The following MICAL1 variants were observed in gnomAD, a reference collection of about 807,000 sequenced individuals.
MICAL1 encodes microtubule associated monooxygenase, calponin and LIM domain containing 1.
MICAL1 carries 95 observed loss-of-function variants against 131.8 expected under a neutral mutation model. That is an observed-to-expected ratio of 0.72 (90% CI 0.61 to 0.86). The LOEUF is 0.86. Ranked by LOEUF, MICAL1 falls within the 40% of genes least tolerant of loss-of-function variation. The pLI is 0.00. For missense variants in MICAL1, 1,292 were observed against 1,380.6 expected (o/e 0.94, Z 1.02); for synonymous variants, 546 against 554.2 (o/e 0.99, Z 0.21).
chr6:109,462,020 C>T (rs1461931469), intron 1 of MICAL1, among the ~76,000 whole-genome samples: 1 of 149,286 alleles, frequency 6.7e-6, no homozygotes, highest in Non-Finnish European at 1.5e-5. Flanking sequence ...CTGCTCCCCT[C>T]CTCACTCAGA....
intron 7 of MICAL1, 140 bp from the exon 8 acceptor site, chr6:109,450,697 G>A (rs1775504541): frequency 8.8e-6 from 8 of 913,168 alleles, no homozygotes; most frequent in Admixed American, 2.9e-5. Context: ...AGCAGTTGAA[G>A]GCTGAGCTGG....
intron 1 of MICAL1, chr6:109,463,534 A>G (rs1303811518): frequency 1.3e-5 from 2 of 152,186 alleles, no homozygotes; most frequent in Admixed American, 6.5e-5. Flanking sequence ...AATTTTAATA[A>G]ATTTAATATA....
chr6:109,448,031 C>T, intron 13 of MICAL1, 68 bp from the exon 14 acceptor site: 4 of 1,498,176 alleles, frequency 2.7e-6, no homozygotes, highest in Non-Finnish European at 3.6e-6. Context: ...AACAGACAGT[C>T]ACTCTCCAAC....
intron 1 of MICAL1, among the ~76,000 whole-genome samples, chr6:109,462,263 C>A (rs1775907601): frequency 6.6e-6 from 1 of 152,184 alleles, no homozygotes; most frequent in Non-Finnish European, 1.5e-5. Flanking sequence ...AAGAAACCAA[C>A]CCCACTGACA....
intron 6 of MICAL1, 141 bp downstream of exon 6, chr6:109,452,105 G>A: frequency 6.9e-7 from 1 of 1,445,516 alleles, no homozygotes; most frequent in Non-Finnish European, 9.1e-7. Context: ...GAGGGGACAG[G>A]TTCCTTCTCC....
intron 12 of MICAL1, 162 bp downstream of exon 12, chr6:109,448,569 TG>T: frequency 7.8e-7 from 1 of 1,288,816 alleles, no homozygotes; most frequent in Non-Finnish European, 1.1e-6. Context: ...CTCCTGGCTT[TG>T]GGGGCCTGTG....
At chr6:109,448,164 C>T in intron 13 of MICAL1, 39 bp downstream of exon 13, 1 of 1,556,790 alleles carries the variant, frequency 6.4e-7, no homozygotes, top group Non-Finnish European at 8.7e-7. Context: ...CACACACCTC[C>T]CCATCCCAGT....
chr6:109,448,721 C>G lies in MICAL1; in HGVS notation c.1664+11G>C. 1 of 1,613,682 alleles carries G rather than the reference C, an allele frequency of 6.2e-7. No homozygotes were observed. The highest frequency in any genetic ancestry group is 8.5e-7 in the Non-Finnish European group (1 of 1,179,736). ...GATCATGAGAGAGAGGTGGGTCTGC[C>G]AGGGACTCACAGCAGGCCAGGCTGC... On this transcript the variant is annotated intron_variant, in intron 12 of 24. Coordinates refer to ENST00000358807, the MANE Select transcript of MICAL1 (RefSeq NM_022765.4).
chr6:109,448,179 C>T (rs1393488057), intron 13 of MICAL1, 24 bp downstream of exon 13: 1 of 1,601,392 alleles, frequency 6.2e-7, no homozygotes, highest in South Asian at 1.1e-5. Context: ...CCCAGTTATC[C>T]TGCCCGCCTT....
At chr6:109,451,563 C>T (rs1406543961) in intron 7 of MICAL1, 37 bp downstream of exon 7, 6 of 1,611,348 alleles carry the variant, frequency 3.7e-6, no homozygotes, top group Middle Eastern at 1.7e-4. Flanking sequence ...TCCCGGGGCT[C>T]ACCACCCAGC....
At chr6:109,457,170 C>T (rs190322858), upstream of MICAL1, among the ~76,000 whole-genome samples, 1 of 152,204 alleles carries the variant, frequency 6.6e-6, no homozygotes, top group East Asian at 1.9e-4. Flanking sequence ...GGCAGTGGGA[C>T]GAAAGCAAGG....
chr6:109,447,788 T>A lies in MICAL1; in HGVS notation c.1945-66A>T. On this transcript the variant is annotated intron_variant, in intron 14 of 24. Coordinates refer to ENST00000358807, the MANE Select transcript of MICAL1 (RefSeq NM_022765.4). ...GTCCCAGTCCTCCCCACTTTCTGAA[T>A]GTCCTCACCATCACCCCAGGATCTC... is the stretch of plus-strand genomic sequence containing the variant. 3.1e-6 allele frequency: 5 copies of A among 1,612,624 alleles called. No homozygotes were observed. The South Asian group carries it at 3.3e-5, about 11-fold the overall frequency.
chr6:109,447,482 G>A (rs756520214), intron 15 of MICAL1, 42 bp from the exon 16 acceptor site: 2 of 1,586,602 alleles, frequency 1.3e-6, no homozygotes, highest in African/African-American at 2.7e-5. Flanking sequence ...AGAGGGGCAG[G>A]GCCAGCTGGG....
chr6:109,453,037 G>T (rs1457079487), intron 4 of MICAL1, among the ~76,000 whole-genome samples: 1 of 152,216 alleles, frequency 6.6e-6, no homozygotes, highest in African/African-American at 2.4e-5. Flanking sequence ...GCACATGCCT[G>T]TAATCCCAGC....
chr6:109,446,345 C>G lies in MICAL1; in HGVS notation c.2372G>C (p.Gly791Ala). The G allele has an allele frequency of 6.2e-7, 1 of 1,613,340 alleles. No homozygotes were observed. Among genetic ancestry groups the G allele is most frequent in the Non-Finnish European group, 8.5e-7 (1 of 1,179,860 alleles). Residue 791 changes from glycine to alanine, a missense_variant, in exon 19 of 25, where the codon GGG (glycine) becomes GCG (alanine). By Grantham distance (60) the Gly-to-Ala change is moderately conservative. Coordinates refer to ENST00000358807, the MANE Select transcript of MICAL1 (RefSeq NM_022765.4). Reference sequence around the variant, plus strand: ...GCTGGGATCTGGAACAGGACCGGCCCCCTCCTGCGAGGCTGTGGGAGTTGA... The same window carrying G: ...GCTGGGATCTGGAACAGGACCGGCCGCCTCCTGCGAGGCTGTGGGAGTTGA... ...GLSTPTASQE[G>A]AGPVPDPSQP...
intron 1 of MICAL1, chr6:109,464,833 T>C (rs1302045051): frequency 6.6e-6 from 1 of 152,156 alleles, no homozygotes; most frequent in African/African-American, 2.4e-5. Context: ...GGAGAAGATA[T>C]TCACTTTGTG....
At chr6:109,458,600 A>G (rs1297675082), upstream of MICAL1, among the ~76,000 whole-genome samples, 1 of 152,190 alleles carries the variant, frequency 6.6e-6, no homozygotes, top group East Asian at 1.9e-4. Context: ...CCGTCCAAAA[A>G]AAGAAAAAAA....
At chr6:109,457,722 C>T (rs1041559498), upstream of MICAL1, among the ~76,000 whole-genome samples, 1 of 152,186 alleles carries the variant, frequency 6.6e-6, no homozygotes, top group African/African-American at 2.4e-5. Context: ...GACTCAATGC[C>T]TTTTGCCAAG....
chr6:109,445,503 T>C lies in MICAL1; in HGVS notation c.2700A>G (p.Ser900=). 1 of 1,614,110 alleles carries C rather than the reference T, an allele frequency of 6.2e-7. No individual in the cohort carries two copies. Among genetic ancestry groups the C allele is most frequent in the Non-Finnish European group, 8.5e-7 (1 of 1,180,032 alleles). ...EQALQTFAKT[S]GTMNNYPTWR... is the part of the protein sequence containing the mutation. ...ATGTTGGGTAGTTATTCATGGTGCCTGAGGTCTTGGCAAAGGTCTGCAGGG... is the reference window on the plus strand; with the variant it reads ...ATGTTGGGTAGTTATTCATGGTGCCCGAGGTCTTGGCAAAGGTCTGCAGGG... Residue 900 remains serine (S), a synonymous_variant, in exon 21 of 25, where the codon TCA becomes TCG. Transcript: ENST00000358807.
Sources: allele counts gnomAD v4.1 joint callset (sites outside exome capture counted in the v4.1 genomes callset), GRCh38; gene constraint gnomAD v4.1.1; transcripts MANE v1.5; gene names NCBI Gene and HGNC (gene_info 2026-07-23, HGNC 2026-07-21).